TMEM266: variants seen among roughly 807,000 people sequenced by gnomAD.
The protein encoded by TMEM266 is Hv1 related protein 1.
TMEM266 carries 33 observed loss-of-function variants against 50.5 expected under a neutral mutation model. The observed-to-expected ratio is 0.65, with a 90% CI of 0.50 to 0.87. The LOEUF is 0.87. TMEM266 is among the 40% of genes least tolerant of loss of function. TMEM266 has a pLI of 0.00. For synonymous variants in TMEM266, 310 were observed against 292.3 expected (o/e 1.06, Z -0.62); for missense variants, 655 against 695.1 (o/e 0.94, Z 0.65).
rs751407891 is a variant in TMEM266 at position 76,175,712 on chromosome 15, G to C, written c.768+38G>C. 32 of 1,538,862 alleles carry C rather than the reference G, an allele frequency of 2.1e-5. No individual in the cohort carries two copies. The South Asian group carries it at 3.6e-4, about 17-fold the overall frequency. On this transcript the variant is annotated intron_variant, in intron 8 of 10. Transcript: ENST00000388942. Reference sequence around the variant, plus strand: ...CACTTTCGGCTCTGTCCGTGGTCTTGCTGGGGACACTGGTAGTGCCTAAAG... The same window carrying C: ...CACTTTCGGCTCTGTCCGTGGTCTTCCTGGGGACACTGGTAGTGCCTAAAG...
chr15:76,111,301 G>A (rs892767527), intron 1 of TMEM266, among the ~76,000 whole-genome samples: 5 of 150,472 alleles, frequency 3.3e-5, no homozygotes, highest in Non-Finnish European at 5.9e-5. Flanking sequence ...GGCTGGTCTT[G>A]AACTCCTGAC....
At chr15:76,198,068 T>TCAGGGAGGC (rs1438994447) in intron 9 of TMEM266, among the ~76,000 whole-genome samples, 1 of 152,198 alleles carries the variant, frequency 6.6e-6, no homozygotes, top group African/African-American at 2.4e-5. Flanking sequence ...AGCCAGGGGT[T>TCAGGGAGGC]CAGGGAGGCA....
At chr15:76,113,939 C>T (rs1458491260) in intron 1 of TMEM266, 2 of 152,098 alleles carry the variant, frequency 1.3e-5, no homozygotes, top group Admixed American at 6.6e-5. Flanking sequence ...AAGGATGTGC[C>T]TGAAGCAAGA....
rs532975840 is a variant in TMEM266 at position 76,072,254 on chromosome 15, C to T, written c.-97+12238C>T. Among the ~76,000 whole-genome samples the T allele has an allele frequency of 1.1e-4, 16 of 151,902 alleles. No homozygotes were observed. The South Asian group carries it at 2.3e-3, about 22-fold the overall frequency. ...AGGAGTTCGAGACCAGCCTGACCAACATGGAAAAACCCCGTCTCTACTAAA... is the reference window on the plus strand; with the variant it reads ...AGGAGTTCGAGACCAGCCTGACCAATATGGAAAAACCCCGTCTCTACTAAA... On this transcript the variant is annotated intron_variant, in intron 1 of 10. Coordinates refer to ENST00000388942, the MANE Select transcript of TMEM266 (RefSeq NM_152335.3).
chr15:76,086,859 G>A (rs1424488396), intron 1 of TMEM266, among the ~76,000 whole-genome samples: 1 of 149,858 alleles, frequency 6.7e-6, no homozygotes, highest in Admixed American at 6.6e-5. Flanking sequence ...CAGCCTGATT[G>A]TTTGCAGGAG....
At chr15:76,191,183 C>G (rs2038561858) in intron 8 of TMEM266, among the ~76,000 whole-genome samples, 1 of 152,236 alleles carries the variant, frequency 6.6e-6, no homozygotes, top group Admixed American at 6.5e-5. Flanking sequence ...TTCATGAATG[C>G]TTTCAGCTGT....
chr15:76,064,450 C>T (rs551163576), intron 1 of TMEM266, among the ~76,000 whole-genome samples: 2 of 152,182 alleles, frequency 1.3e-5, no homozygotes, highest in South Asian at 4.1e-4. Flanking sequence ...AAATCATAGG[C>T]ACTTTGAGGA....
chr15:76,075,836 G>GTTT (rs2036597741), intron 1 of TMEM266, among the ~76,000 whole-genome samples: 1 of 52,720 alleles, frequency 1.9e-5, no homozygotes, highest in South Asian at 8.6e-4. Flanking sequence ...AGAGAAGGCA[G>GTTT]CTTTTTTTTT....
intron 3 of TMEM266, among the ~76,000 whole-genome samples, chr15:76,142,592 T>TG (rs1294505260): frequency 3.9e-5 from 6 of 152,306 alleles, no homozygotes; most frequent in South Asian, 2.1e-4. Flanking sequence ...TCACCAACAC[T>TG]GGCTATTTTA....
At chr15:76,151,461 C>G (rs997254779) in intron 3 of TMEM266, among the ~76,000 whole-genome samples, 9 of 152,148 alleles carry the variant, frequency 5.9e-5, no homozygotes, top group Non-Finnish European at 4.4e-5. Context: ...CCAACCCACC[C>G]TCCAGGGCCC....
At chr15:76,200,377 C>T (rs988122882) in intron 9 of TMEM266, among the ~76,000 whole-genome samples, 5 of 152,182 alleles carry the variant, frequency 3.3e-5, no homozygotes, top group Admixed American at 6.5e-5. Context: ...GCCTCGCCAG[C>T]GCCATCGGGG....
chr15:76,163,955 G>A (rs1249371156), intron 5 of TMEM266, among the ~76,000 whole-genome samples: 1 of 152,152 alleles, frequency 6.6e-6, no homozygotes, highest in African/African-American at 2.4e-5. Flanking sequence ...GTACCCACAC[G>A]GTGATGTGCA....
At position 76,129,163 on chromosome 15, in the gene TMEM266, T is replaced by C. The variant is rs1032001355; in HGVS notation, c.-96-5005T>C. ...GCAAACCTTAATGAATTAATTGATA[T>C]AGGAAGCAATTATCAATGGCTGTTA... On this transcript the variant is annotated intron_variant, in intron 1 of 10. Transcript: ENST00000388942. Among the ~76,000 whole-genome samples, 11 of 152,088 alleles carry C rather than the reference T, an allele frequency of 7.2e-5. 1 individual carries two copies. The highest frequency in any genetic ancestry group is 8.8e-5 in the Non-Finnish European group (6 of 68,012).
intron 1 of TMEM266, among the ~76,000 whole-genome samples, chr15:76,085,560 C>T (rs1181288392): frequency 6.6e-6 from 1 of 152,086 alleles, no homozygotes; most frequent in Non-Finnish European, 1.5e-5. Flanking sequence ...GTACCTGGCC[C>T]AGATTTGCAT....
At chr15:76,157,815 T>A (rs2037949542) in intron 4 of TMEM266, among the ~76,000 whole-genome samples, 2 of 152,066 alleles carry the variant, frequency 1.3e-5, no homozygotes, top group African/African-American at 4.8e-5. Context: ...GGCAAGGCCC[T>A]GTCTCTACAA....
chr15:76,089,992 GGAAA>G (rs2036827442), intron 1 of TMEM266, among the ~76,000 whole-genome samples: 1 of 152,128 alleles, frequency 6.6e-6, no homozygotes, highest in South Asian at 2.1e-4. Context: ...CCACGAACAT[GGAAA>G]CAGCCTTTGG....
chr15:76,146,633 C>T (rs939489869), intron 3 of TMEM266, among the ~76,000 whole-genome samples: 7 of 152,160 alleles, frequency 4.6e-5, no homozygotes, highest in Admixed American at 2.0e-4. Context: ...ATATAGCAAA[C>T]ATCTCTAAAT....
At chr15:76,118,993 C>T (rs1234758765) in intron 1 of TMEM266, among the ~76,000 whole-genome samples, 1 of 152,136 alleles carries the variant, frequency 6.6e-6, no homozygotes, top group Non-Finnish European at 1.5e-5. Flanking sequence ...GCTCTGCCAA[C>T]AATTTAACCC....
rs570081855 is a variant in TMEM266 at position 76,076,676 on chromosome 15, C to T, written c.-97+16660C>T. On this transcript the variant is annotated intron_variant, in intron 1 of 10. Coordinates refer to ENST00000388942, the MANE Select transcript of TMEM266 (RefSeq NM_152335.3). ...ATAGTTAGGCAAGATCATGAGCAGG[C>T]GTGGAGGGTAAGGAACTGTCATGAA... is the stretch of plus-strand genomic sequence containing the variant. 2.1e-4 allele frequency among the ~76,000 whole-genome samples: 32 copies of T among 152,024 alleles called. 1 individual carries two copies. The highest frequency in any genetic ancestry group is 9.7e-4 in the East Asian group (5 of 5,178).
Sources: gnomAD v4.1 joint callset for allele counts (sites outside exome capture counted in the v4.1 genomes callset) on GRCh38, gnomAD v4.1.1 for gene constraint, MANE v1.5 for transcripts, NCBI Gene and HGNC (gene_info 2026-07-23, HGNC 2026-07-21) for gene names.